Variants in FOCAD observed in about 807,000 individuals in gnomAD.
The protein encoded by FOCAD is focadhesin, also known as KIAA1797.
FOCAD carries 198 observed loss-of-function variants against 225.6 expected under a neutral mutation model. That is an observed-to-expected ratio of 0.88 (90% CI 0.78 to 0.99). The LOEUF (loss-of-function observed/expected upper bound fraction) is 0.99. Ranked by LOEUF, FOCAD falls within the 50% of genes least tolerant of loss-of-function variation. The pLI is 0.00. For synonymous variants in FOCAD, 897 were observed against 755.0 expected, an observed-to-expected ratio of 1.19 and a Z score of -3.08; for missense variants, 2,713 against 2,123.6, an observed-to-expected ratio of 1.28 and a Z score of -5.46.
rs1825594802 is a variant in FOCAD, at chr9:20,719,319, T to C, written c.133-1061T>C. Among the ~76,000 whole-genome samples the C allele has an allele frequency of 3.3e-5, 5 of 152,218 alleles. No homozygotes were observed. The South Asian group carries it at 1.0e-3, about 32-fold the overall frequency. On this transcript the variant is annotated intron_variant, in intron 3 of 43. Coordinates refer to ENST00000338382, the MANE Select transcript of FOCAD (RefSeq NM_001375567.1). ...GCTGGTCTCGAACTTCTGACCTCAG[T>C]TGATCCACCCGCCTTGGCCTCCCAA... is the stretch of plus-strand genomic sequence containing the variant.
Position 20,944,769 on chromosome 9 carries a change from C to G in FOCAD, c.3550C>G (p.Gln1184Glu), listed in dbSNP as rs1174521193. The G allele has an allele frequency of 6.2e-7, 1 of 1,611,740 alleles. No homozygotes were observed. The highest frequency in any genetic ancestry group is 8.5e-7 in the Non-Finnish European group (1 of 1,178,368). The change falls in exon 29 of 44, where the codon CAG (glutamine) becomes GAG (glutamate). Residue 1184 changes from glutamine to glutamate, a missense_variant. Transcript: ENST00000338382. ...DDSGSQSRTF[Q>E]EVLAYTLSCV... The stretch of plus-strand genomic sequence containing the variant: ...CAGCGGGAGCCAGAGCAGAACGTTT[C>G]AGGAGGTAAGAGATGGAGGCTACAT...
intron 7 of FOCAD, among the ~76,000 whole-genome samples, chr9:20,766,385 C>T (rs1830054278): frequency 6.6e-6 from 1 of 152,144 alleles, no homozygotes; most frequent in Non-Finnish European, 1.5e-5. Context: ...ACAATATAAT[C>T]CATTTACCAC....
chr9:20,726,843 T>G (rs574820306), intron 4 of FOCAD, among the ~76,000 whole-genome samples: 17 of 152,296 alleles, frequency 1.1e-4, no homozygotes, highest in African/African-American at 3.9e-4. Flanking sequence ...TATTCATATC[T>G]TGTTACATTA....
chr9:20,772,092 G>A (rs1245047230), intron 8 of FOCAD, among the ~76,000 whole-genome samples: 1 of 152,208 alleles, frequency 6.6e-6, no homozygotes, highest in Non-Finnish European at 1.5e-5. Flanking sequence ...TGGGAAAAGG[G>A]AGACATAGAA....
At chr9:20,899,718 G>A in intron 21 of FOCAD, among the ~76,000 whole-genome samples, 1 of 151,942 alleles carries the variant, frequency 6.6e-6, no homozygotes, top group Non-Finnish European at 1.5e-5. Flanking sequence ...GCTATGGAGA[G>A]CTAGCTGTTT....
chr9:20,733,723 C>T (rs1826904379), intron 4 of FOCAD, among the ~76,000 whole-genome samples: 1 of 152,124 alleles, frequency 6.6e-6, no homozygotes, highest in Admixed American at 6.6e-5. Context: ...CTCACTGGGC[C>T]AGGCACAGTG....
chr9:20,703,964 T>C (rs1824180233), intron 1 of FOCAD, among the ~76,000 whole-genome samples: 2 of 152,228 alleles, frequency 1.3e-5, no homozygotes, highest in Non-Finnish European at 2.9e-5. Context: ...CAAAGGGGGC[T>C]CCCCAAAGCA....
chr9:20,839,084 G>A (rs1208229184), intron 15 of FOCAD, among the ~76,000 whole-genome samples: 1 of 151,766 alleles, frequency 6.6e-6, no homozygotes. Context: ...TTCCCTAGGA[G>A]TTTATGCATA....
intron 35 of FOCAD, among the ~76,000 whole-genome samples, chr9:20,962,291 C>G (rs1442473851): frequency 1.3e-5 from 2 of 152,008 alleles, no homozygotes; most frequent in East Asian, 3.9e-4. Flanking sequence ...GTGATTTCCT[C>G]AATGGACAGG....
intron 23 of FOCAD, among the ~76,000 whole-genome samples, chr9:20,914,517 A>T (rs1464180512): frequency 6.6e-6 from 1 of 152,134 alleles, no homozygotes; most frequent in Non-Finnish European, 1.5e-5. Flanking sequence ...TGACATTTGA[A>T]TGAGACCTGA....
At chr9:20,947,349 C>T (rs1458937213) in intron 30 of FOCAD, among the ~76,000 whole-genome samples, 1 of 152,122 alleles carries the variant, frequency 6.6e-6, no homozygotes, top group Admixed American at 6.5e-5. Flanking sequence ...TGTACTAGAA[C>T]ACGGATGAAC....
At chr9:20,880,843 A>G (rs909100712) in intron 19 of FOCAD, among the ~76,000 whole-genome samples, 6 of 152,062 alleles carry the variant, frequency 3.9e-5, no homozygotes, top group African/African-American at 1.2e-4. Context: ...TTTCCGCTAC[A>G]TATGATTTGT....
chr9:20,758,660 C>T (rs1829289777), intron 6 of FOCAD, among the ~76,000 whole-genome samples: 1 of 152,018 alleles, frequency 6.6e-6, no homozygotes, highest in African/African-American at 2.4e-5. Flanking sequence ...ATGATGATTT[C>T]CAGTTACATT....
At chr9:20,810,187 A>T (rs1822904816) in intron 11 of FOCAD, among the ~76,000 whole-genome samples, 5 of 152,142 alleles carry the variant, frequency 3.3e-5, no homozygotes, top group Admixed American at 3.3e-4. Context: ...GGGTGTACTG[A>T]ATTCCTTCAG....
At chr9:20,682,960 T>A (rs1278030792), upstream of FOCAD, among the ~76,000 whole-genome samples, 1 of 152,132 alleles carries the variant, frequency 6.6e-6, no homozygotes, top group Non-Finnish European at 1.5e-5. Context: ...ATGTTTTTTT[T>A]AGTAGAGATG....
rs76007816 is a variant in FOCAD at position 20,766,719 on chromosome 9, A to C, written c.699+1646A>C. Among the ~76,000 whole-genome samples the C allele has an allele frequency of 2.0e-5, 3 of 150,910 alleles. No individual in the cohort carries two copies. The East Asian group carries it at 5.8e-4, about 29-fold the overall frequency. On this transcript the variant is annotated intron_variant, in intron 7 of 43. Transcript: ENST00000338382. ...ATCTCTCCATTGCAAATGGTTTCCC[A>C]ACTTTTCTCTGTTTTGTTTTGCCAG...
rs1442562504 is a variant in FOCAD, at chr9:20,949,756, G to GT, written c.3948+85dup. On this transcript the variant is annotated intron_variant, in intron 33 of 43. Coordinates refer to ENST00000338382, the MANE Select transcript of FOCAD (RefSeq NM_001375567.1). ...TTTTTTCTATTACATGATACAACAT[G>GT]TTTTACCTGGAAAATGGGAAAGTCT... 3 of 1,180,770 alleles carry GT rather than the reference G, an allele frequency of 2.5e-6. No homozygotes were observed. The East Asian group carries it at 7.0e-5, about 28-fold the overall frequency. The allele number at this position is 1,180,770 out of a possible 1,614,324, so 73.1% of individuals were successfully genotyped here. A position where few individuals can be genotyped will look rare whatever the true frequency, so the allele number is the denominator to read the frequency against.
chr9:20,749,029 T>A (rs568491861), intron 5 of FOCAD, among the ~76,000 whole-genome samples: 2 of 152,230 alleles, frequency 1.3e-5, no homozygotes, highest in Admixed American at 1.3e-4. Context: ...GTGTTTTTTT[T>A]CCCCCAGTGA....
At chr9:20,946,368 A>T (rs1463524655) in intron 29 of FOCAD, among the ~76,000 whole-genome samples, 1 of 152,100 alleles carries the variant, frequency 6.6e-6, no homozygotes, top group African/African-American at 2.4e-5. Context: ...TCTGCTGTTG[A>T]TAGGTGCTGT....
Sources: allele counts gnomAD v4.1 joint callset (sites outside exome capture counted in the v4.1 genomes callset), GRCh38; gene constraint gnomAD v4.1.1; transcripts MANE v1.5; gene names NCBI Gene and HGNC (gene_info 2026-07-23, HGNC 2026-07-21).